Variants in SEMA4G observed in about 807,000 individuals in gnomAD.
The protein encoded by SEMA4G is semaphorin-4G.
SEMA4G carries 59 observed loss-of-function variants against 81.2 expected under a neutral mutation model. That is an observed-to-expected ratio of 0.73 (90% CI 0.59 to 0.90). SEMA4G has a LOEUF of 0.90. SEMA4G is among the 40% of genes least tolerant of loss of function. The pLI is 0.00. For synonymous variants in SEMA4G, 404 were observed against 433.9 expected, an observed-to-expected ratio of 0.93 and a Z score of 0.86; for missense variants, 952 against 1,102.3, an observed-to-expected ratio of 0.86 and a Z score of 1.93.
intron 4 of SEMA4G, chr10:100,978,016 C>T: frequency 1.8e-6 from 1 of 570,624 alleles, no homozygotes; most frequent in African/African-American, 1.9e-5. Flanking sequence ...CCCTGGACAG[C>T]ATGTGTTCCA....
intron 12 of SEMA4G, 42 bp from the exon 14 acceptor site, chr10:100,981,126 A>G: frequency 3.7e-6 from 6 of 1,609,098 alleles, no homozygotes; most frequent in Non-Finnish European, 5.1e-6. Flanking sequence ...GGAAACTGAA[A>G]CCCAGTTCCC....
chr10:100,983,979 C>A, exon 14 of SEMA4G: 1 of 1,610,752 alleles, frequency 6.2e-7, no homozygotes, highest in East Asian at 2.2e-5. Flanking sequence ...CAGCCGGCTG[C>A]GGAGGATGAA....
chr10:100,972,740 A>C, exon 1 of SEMA4G: 3 of 563,478 alleles, frequency 5.3e-6, no homozygotes, highest in Non-Finnish European at 3.1e-6. Flanking sequence ...CCCCGATTCC[A>C]GGACCCCCCA....
exon 14 of SEMA4G, chr10:100,983,786 G>T: frequency 6.2e-7 from 1 of 1,607,440 alleles, no homozygotes; most frequent in Non-Finnish European, 8.5e-7. Context: ...GAGGATCTGC[G>T]GTGCAACTGC....
chr10:100,973,082 T>A lies in SEMA4G; in HGVS notation c.124+46T>A. ...AGGCAGCAGAAGCCAGGGCTGGGGG[T>A]GGGGAGGCACCCCAGAACTAGGGCT... On this transcript the variant is annotated intron_variant, in intron 1 of 13. Transcript: ENST00000370250. The surrounding 1 kb of genome is among the most constrained non-coding windows in gnomAD (Gnocchi z 5.5). 1.2e-6 allele frequency: 2 copies of A among 1,613,832 alleles called. No individual in the cohort carries two copies. Among genetic ancestry groups the A allele is most frequent in the Non-Finnish European group, 1.7e-6 (2 of 1,179,936 alleles).
rs749714404 is a variant in SEMA4G, at chr10:100,978,391, G to T, written c.529+3G>T. The T allele has an allele frequency of 3.7e-6, 6 of 1,612,392 alleles. No homozygotes were observed. The highest frequency in any genetic ancestry group is 2.7e-5 in the African/African-American group (2 of 74,900). ...TGGCTTCACAGGCCTCATCATTGGT[G>T]AGCAGGCCTTCTTCCCTATCACAGA... is the stretch of plus-strand genomic sequence containing the variant. On this transcript the variant is annotated splice_donor_region_variant and intron_variant, in intron 5 of 13. Transcript: ENST00000370250.
chr10:100,982,062 CAAAA>C (rs34646595), intron 13 of SEMA4G, among the ~76,000 whole-genome samples: 2 of 126,842 alleles, frequency 1.6e-5, no homozygotes, highest in Admixed American at 8.3e-5. Context: ...CATCTCATCT[CAAAA>C]AAAAAAAAAA....
At chr10:100,975,176 C>G in intron 3 of SEMA4G, 1 of 399,992 alleles carries the variant, frequency 2.5e-6, no homozygotes, top group Non-Finnish European at 5.0e-6. Flanking sequence ...CAGTGAACAC[C>G]CTCAGAATTT....
chr10:100,971,101 GTCC>G (rs1850618891), upstream of SEMA4G, among the ~76,000 whole-genome samples: 1 of 139,678 alleles, frequency 7.2e-6, no homozygotes, highest in Admixed American at 7.3e-5. Context: ...CGTGTTCACA[GTCC>G]TCCTTGTGAA....
At chr10:100,978,771 A>C (rs1185103219) in intron 6 of SEMA4G, 78 bp from the exon 8 acceptor site, 11 of 1,575,672 alleles carry the variant, frequency 7.0e-6, no homozygotes, top group Non-Finnish European at 9.5e-6. Context: ...TGTGTTGTCA[A>C]GTGAGGGGTC....
At chr10:100,981,292 A>G (rs1409145916) in intron 13 of SEMA4G, 63 bp downstream of exon 14, 2 of 1,598,442 alleles carry the variant, frequency 1.3e-6, no homozygotes, top group South Asian at 1.1e-5. Flanking sequence ...ATTTACTGCC[A>G]TGTGTACGTA....
chr10:100,974,885 G>T (rs1026741136), intron 3 of SEMA4G: 2 of 426,840 alleles, frequency 4.7e-6, no homozygotes, highest in East Asian at 1.5e-4. Flanking sequence ...GCCAAGGCAG[G>T]AGGATCACTT....
chr10:100,971,986 C>A (rs1850647568), upstream of SEMA4G, among the ~76,000 whole-genome samples: 1 of 152,166 alleles, frequency 6.6e-6, no homozygotes. Flanking sequence ...GCAATACAGA[C>A]TGGCGTGGGC....
chr10:100,978,830 C>T lies in SEMA4G; in HGVS notation c.644-19C>T, dbSNP rs752931402. 6.2e-7 allele frequency: 1 copy of T among 1,610,914 alleles called. No individual in the cohort carries two copies. Among genetic ancestry groups the T allele is most frequent in the African/African-American group, 1.3e-5 (1 of 75,010 alleles). ...TCCCCAGCCTGTCTCAAAAGCCTCT[C>T]AAACTGCCTGACCCACAGATGCGGA... On this transcript the variant is annotated intron_variant, in intron 6 of 13. Coordinates refer to ENST00000370250, the Ensembl canonical transcript of SEMA4G.
chr10:100,970,460 C>T (rs1023749117), upstream of SEMA4G, among the ~76,000 whole-genome samples: 1 of 152,088 alleles, frequency 6.6e-6, no homozygotes, highest in Admixed American at 6.6e-5. Context: ...GCCTGAGTTA[C>T]TTTCCCATTC....
At chr10:100,983,454 G>A (rs374200198) in exon 14 of SEMA4G, 35 of 1,614,002 alleles carry the variant, frequency 2.2e-5, no homozygotes, top group Non-Finnish European at 2.7e-5. Context: ...CCGTGTGGGC[G>A]TGGACGGGCT....
Position 100,973,014 on chromosome 10 carries a change from T to C in SEMA4G, c.102T>C (p.Pro34=). The change falls in exon 1 of 14, where the codon CCT becomes CCC. Residue 34 remains proline (P), a synonymous_variant. Coordinates refer to ENST00000370250, the Ensembl canonical transcript of SEMA4G. The surrounding 1 kb of genome is among the most constrained non-coding windows in gnomAD (Gnocchi z 5.5). ...CGTCTAGAGAACTAGATGCCACCCC[T>C]CGGATGACCATACCCTATGAAGGTT... The C allele has an allele frequency of 6.2e-7, 1 of 1,613,896 alleles. No individual in the cohort carries two copies. Among genetic ancestry groups the C allele is most frequent in the Non-Finnish European group, 8.5e-7 (1 of 1,179,970 alleles).
chr10:100,981,077 G>A, intron 12 of SEMA4G, 80 bp downstream of exon 13: 1 of 1,602,022 alleles, frequency 6.2e-7, no homozygotes, highest in Admixed American at 1.7e-5. Flanking sequence ...GGAGTGCAGG[G>A]GCTAGTTATT....
Position 100,980,560 on chromosome 10 carries a change from C to T in SEMA4G, c.1352-18C>T. On this transcript the variant is annotated intron_variant, in intron 10 of 13. Transcript: ENST00000370250. ...GATCCCATAGTTGGGGTCTAACTCT[C>T]TGCTCTTTCCATACCAGCTGATGGC... The T allele has an allele frequency of 6.2e-7, 1 of 1,606,790 alleles. No individual in the cohort carries two copies. Among genetic ancestry groups the T allele is most frequent in the Non-Finnish European group, 8.5e-7 (1 of 1,173,378 alleles).
Sources: gnomAD v4.1 joint callset for allele counts (sites outside exome capture counted in the v4.1 genomes callset) on GRCh38, gnomAD v4.1.1 for gene constraint, Gnocchi (gnomAD v3.1) non-coding constraint, MANE v1.5 for transcripts, NCBI Gene and HGNC (gene_info 2026-07-23, HGNC 2026-07-21) for gene names.